The following FAM219B variants were observed in gnomAD, a reference collection of about 807,000 sequenced individuals.
FAM219B encodes the protein family with sequence similarity 219 member B, also known as protein FAM219B.
Under a neutral mutation model 19.9 loss-of-function variants are expected in FAM219B, and 18 were observed. The observed-to-expected ratio is 0.91, with a 90% CI of 0.63 to 1.34. FAM219B has a LOEUF of 1.34. FAM219B is among the 40% of genes most tolerant of loss of function. FAM219B has a pLI of 0.00. For synonymous variants in FAM219B, 123 were observed against 117.5 expected, an observed-to-expected ratio of 1.05 and a Z score of -0.30; for missense variants, 283 against 270.5, an observed-to-expected ratio of 1.05 and a Z score of -0.32.
downstream of FAM219B, chr15:74,899,076 A>G (rs1275561412): frequency 6.6e-6 from 1 of 152,152 alleles, no homozygotes; most frequent in Admixed American, 6.5e-5. Flanking sequence ...GAATTAGACA[A>G]TTTTCATGGC....
At chr15:74,903,194 G>C (rs1039724087) in intron 4 of FAM219B, among the ~76,000 whole-genome samples, 4 of 152,136 alleles carry the variant, frequency 2.6e-5, no homozygotes, top group Admixed American at 2.6e-4. Context: ...AGTGGAAGGG[G>C]GTGGTGAGCA....
At position 74,906,038 on chromosome 15, in the gene FAM219B, A is replaced by G. The variant is rs996284637; in HGVS notation, c.302+240T>C. 46 of 507,644 alleles carry G rather than the reference A, an allele frequency of 9.1e-5. No homozygotes were observed. In the Admixed American group the frequency reaches 1.0e-3, roughly 11 times the overall value. The allele number at this position is 507,644 out of a possible 1,614,324, so 31.4% of individuals were successfully genotyped here. On this transcript the variant is annotated intron_variant, in intron 2 of 4. Transcript: ENST00000357635. ...TCCTCCCTAACAGAGGAGGAGAATG[A>G]TAGTGAATGAGCCTGTGCACTCACA...
chr15:74,899,654 T>A (rs780930336), downstream of FAM219B: 1 of 152,150 alleles, frequency 6.6e-6, no homozygotes, highest in Non-Finnish European at 1.5e-5. Context: ...TGAGACGGAG[T>A]CTCGCACTGT....
intron 2 of FAM219B, chr15:74,905,547 T>C (rs895059785): frequency 1.0e-5 from 3 of 288,302 alleles, no homozygotes; most frequent in South Asian, 1.0e-4. Flanking sequence ...CCTCAGCCTC[T>C]TGAGTAGCTG....
chr15:74,899,273 C>A (rs2064870486), downstream of FAM219B: 2 of 152,196 alleles, frequency 1.3e-5, no homozygotes, highest in African/African-American at 4.8e-5. Flanking sequence ...TGGCTCCTTC[C>A]TGTGGGATAA....
At chr15:74,904,193 C>T (rs929420919) in intron 4 of FAM219B, among the ~76,000 whole-genome samples, 3 of 152,146 alleles carry the variant, frequency 2.0e-5, no homozygotes, top group Admixed American at 2.0e-4. Flanking sequence ...GTGGTCAGTA[C>T]CCAATTACAA....
At chr15:74,906,158 T>C (rs953237815) in intron 2 of FAM219B, 120 bp downstream of exon 2, 6 of 964,096 alleles carry the variant, frequency 6.2e-6, no homozygotes, top group Non-Finnish European at 6.2e-6. Context: ...ATAGTGAACC[T>C]GACAGGTTGC....
rs1331531485 is a variant in FAM219B, at chr15:74,906,740, T to C, written c.61A>G (p.Ser21Gly). The C allele has an allele frequency of 7.4e-7, 1 of 1,342,956 alleles. No homozygotes were observed. The highest frequency in any genetic ancestry group is 3.0e-5 in the East Asian group (1 of 32,960). 83.2% of individuals were successfully genotyped at this position (1,342,956 alleles called of 1,614,324 possible). Residue 21 changes from serine (S) to glycine (G), a missense_variant, in exon 1 of 5, where the codon AGC (serine) becomes GGC (glycine). Transcript: ENST00000357635. ...LRLSTPGPRP[S>G]GARDRAPGAA... ...CCCGGCGCGCGGTCCCGAGCCCCGCTGGGCCGGGGTCCCGGGGTAGACAAC... is the reference window on the plus strand; with the variant it reads ...CCCGGCGCGCGGTCCCGAGCCCCGCCGGGCCGGGGTCCCGGGGTAGACAAC...
At chr15:74,905,289 G>A (rs1186967718) in intron 2 of FAM219B, 58 bp from the exon 3 acceptor site, 3 of 1,552,664 alleles carry the variant, frequency 1.9e-6, no homozygotes, top group Non-Finnish European at 2.7e-6. Context: ...GCATTTCACA[G>A]GGATAGGCAG....
Position 74,901,651 on chromosome 15 carries a change from A to C in FAM219B, c.*968T>G, listed in dbSNP as rs993232881. ...CTTACCCTTCCTGTCTGTAAGCCTC[A>C]GTCTAGGACAAAGCCCACACAGCTG... On this transcript the variant is annotated 3_prime_UTR_variant, in exon 5 of 5. Transcript: ENST00000357635. 1 of 153,076 alleles carries C rather than the reference A, an allele frequency of 6.5e-6. No individual in the cohort carries two copies. Among genetic ancestry groups the C allele is most frequent in the East Asian group, 1.9e-4 (1 of 5,232 alleles). The allele number at this position is 153,076 out of a possible 1,614,324, so 9.5% of individuals were successfully genotyped here.
rs1268692163 is a variant in FAM219B, at chr15:74,900,113, A to C, written c.*2506T>G. On this transcript the variant is annotated 3_prime_UTR_variant, in exon 5 of 5. Transcript: ENST00000357635. Reference sequence around the variant, plus strand: ...CCTGCTGGGAGGTAAGCCTGGATACACCCCTCTCCTCAGGAAACTGTCACC... The same window carrying C: ...CCTGCTGGGAGGTAAGCCTGGATACCCCCCTCTCCTCAGGAAACTGTCACC... 1 of 152,198 alleles carries C rather than the reference A, an allele frequency of 6.6e-6. No homozygotes were observed. The highest frequency in any genetic ancestry group is 2.4e-5 in the African/African-American group (1 of 41,410). The allele number at this position is 152,198 out of a possible 1,614,324, so 9.4% of individuals were successfully genotyped here.
chr15:74,899,058 C>G (rs2064867364), downstream of FAM219B: 2 of 152,256 alleles, frequency 1.3e-5, no homozygotes, highest in Admixed American at 6.5e-5. Context: ...TACAGGGACT[C>G]AGGAACCGAA....
rs138405677 is a variant in FAM219B, at chr15:74,905,169, G to A, written c.365C>T (p.Ser122Phe). 28 of 1,613,918 alleles carry A rather than the reference G, an allele frequency of 1.7e-5. No individual in the cohort carries two copies. The highest frequency in any genetic ancestry group is 2.2e-5 in the Non-Finnish European group (26 of 1,179,978). The change falls in exon 3 of 5, where the codon TCC becomes TTC. Residue 122 changes from serine (S) to phenylalanine (F), a missense_variant. Physicochemically the swap from Ser to Phe is radical, Grantham distance 155. Transcript: ENST00000357635. ...GAGCACTCACCTGTCAGAGTCGAGG[G>A]ACACCAGGTTTTCATCTGGACTCTG... ...LSQSPDENLV[S>F]LDSDSDGELG...
At position 74,901,130 on chromosome 15, in the gene FAM219B, T is replaced by C; in HGVS notation, c.*1489A>G. 1 of 152,190 alleles carries C rather than the reference T, an allele frequency of 6.6e-6. No individual in the cohort carries two copies. The highest frequency in any genetic ancestry group is 1.9e-4 in the East Asian group (1 of 5,194). The allele number at this position is 152,190 out of a possible 1,614,324, so 9.4% of individuals were successfully genotyped here. A position where few individuals can be genotyped will look rare whatever the true frequency, so the allele number is the denominator to read the frequency against. ...AGAACCTATACCCCAATCCCGACTATTGGGCTGGGAACCCTGTCTATGCCC... is the reference window on the plus strand; with the variant it reads ...AGAACCTATACCCCAATCCCGACTACTGGGCTGGGAACCCTGTCTATGCCC... On this transcript the variant is annotated 3_prime_UTR_variant, in exon 5 of 5. Coordinates refer to ENST00000357635, the MANE Select transcript of FAM219B (RefSeq NM_020447.5).
intron 4 of FAM219B, 122 bp downstream of exon 4, chr15:74,904,542 C>G (rs902697994): frequency 3.3e-6 from 4 of 1,212,128 alleles, no homozygotes; most frequent in Non-Finnish European, 4.9e-6. Context: ...AGTGGAAGAT[C>G]GTAGAACAGA....
In FAM219B at chr15:74,906,381, C is replaced by G. The variant is rs765423852; in HGVS notation, c.215-16G>C. ...CGGTGCTTCTCTGGAAGTTAAAGGA[C>G]CCGGGTCAGCCGGGTCTTCCCCACT... is the stretch of plus-strand genomic sequence containing the variant. On this transcript the variant is annotated splice_polypyrimidine_tract_variant and intron_variant, in intron 1 of 4. Coordinates refer to ENST00000357635, the MANE Select transcript of FAM219B (RefSeq NM_020447.5). The G allele has an allele frequency of 1.3e-6, 2 of 1,597,412 alleles. No homozygotes were observed. The highest frequency in any genetic ancestry group is 1.1e-5 in the South Asian group (1 of 88,990).
intron 2 of FAM219B, 82 bp from the exon 3 acceptor site, chr15:74,905,313 A>T (rs1595847686): frequency 1.5e-6 from 2 of 1,377,144 alleles, no homozygotes; most frequent in African/African-American, 2.8e-5. Flanking sequence ...CCTCGCCCTG[A>T]AGGAGAAAGA....
At position 74,902,044 on chromosome 15, in the gene FAM219B, CAT is replaced by C; in HGVS notation, c.*573_*574del. ...TTAAGCAACCTGCTATGATCCCTGT[CAT>C]AGTTAGACAGGTGCAACCTGAAGAG... is the stretch of plus-strand genomic sequence containing the variant. On this transcript the variant is annotated 3_prime_UTR_variant, in exon 5 of 5. Transcript: ENST00000357635. 2.5e-6 allele frequency: 1 copy of C among 398,428 alleles called. No homozygotes were observed. Among genetic ancestry groups the C allele is most frequent in the East Asian group, 3.6e-5 (1 of 28,068 alleles). 24.7% of individuals were successfully genotyped at this position (398,428 alleles called of 1,614,324 possible).
chr15:74,903,034 T>C (rs969669625), intron 4 of FAM219B, among the ~76,000 whole-genome samples: 2 of 152,180 alleles, frequency 1.3e-5, no homozygotes, highest in African/African-American at 4.8e-5. Context: ...CACTAAATCC[T>C]GAGGCATTCA....
Sources: gnomAD v4.1 joint callset for allele counts (sites outside exome capture counted in the v4.1 genomes callset) on GRCh38, gnomAD v4.1.1 for gene constraint, MANE v1.5 for transcripts, NCBI Gene and HGNC (gene_info 2026-07-23, HGNC 2026-07-21) for gene names.